ING1: variants seen among roughly 807,000 people sequenced by gnomAD.
The protein encoded by ING1 is inhibitor of growth family member 1, also known as inhibitor of growth protein 1.
ING1 carries 4 observed loss-of-function variants against 23.1 expected under a neutral mutation model. That is an observed-to-expected ratio of 0.17 (90% CI 0.09 to 0.40). The LOEUF (loss-of-function observed/expected upper bound fraction) is 0.40, where lower values mean the gene tolerates loss of function less well. Ranked by LOEUF, ING1 falls within the 10% of genes least tolerant of loss-of-function variation. The pLI, the probability that ING1 is intolerant of heterozygous loss-of-function variation, is 1.00. For missense variants in ING1, 256 were observed against 393.8 expected (o/e 0.65, Z 2.96); for synonymous variants, 179 against 166.4 (o/e 1.08, Z -0.58).
At chr13:110,715,684 C>A in intron 1 of ING1, 1 of 1,603,290 alleles carries the variant, frequency 6.2e-7, no homozygotes, top group Non-Finnish European at 8.5e-7. Flanking sequence ...TTCCGCCCTG[C>A]GGTGTGGTTG....
At chr13:110,713,159 C>G, upstream of ING1, 1 of 1,429,266 alleles carries the variant, frequency 7.0e-7, no homozygotes, top group Non-Finnish European at 9.1e-7. Flanking sequence ...TCCTCTTCAT[C>G]GTGATTGGGC....
At chr13:110,713,037 G>T, upstream of ING1, 1 of 1,479,090 alleles carries the variant, frequency 6.8e-7, no homozygotes, top group Non-Finnish European at 9.0e-7. Context: ...GTGCCAGTGC[G>T]CATGCGCCGC....
chr13:110,714,343 G>T, intron 1 of ING1, 58 bp downstream of exon 1: 1 of 1,451,574 alleles, frequency 6.9e-7, no homozygotes, highest in Non-Finnish European at 9.1e-7. Context: ...GGGTCCGGGC[G>T]CGCCGCGGAG....
chr13:110,718,225 T>C (rs1327331967), intron 1 of ING1, among the ~76,000 whole-genome samples: 1 of 152,226 alleles, frequency 6.6e-6, no homozygotes, highest in Admixed American at 6.5e-5. Flanking sequence ...AGCTTCGCTT[T>C]AAAGCAAGGC....
chr13:110,714,143 G>A lies in ING1; in HGVS notation c.-7G>A, dbSNP rs772264803. On this transcript the variant is annotated 5_prime_UTR_variant, in exon 1 of 2. It adds an upstream start codon to the 5' untranslated region. Transcript: ENST00000333219. ...CGCCGAGTCGCCGGGGACCTCCGGG[G>A]TGAACCATGTTGAGTCCTGCCAACG... 6 of 1,531,100 alleles carry A rather than the reference G, an allele frequency of 3.9e-6. No homozygotes were observed. In the South Asian group the frequency reaches 4.9e-5, roughly 12 times the overall value. 94.8% of individuals were successfully genotyped at this position (1,531,100 alleles called of 1,614,324 possible).
chr13:110,715,725 G>T, intron 1 of ING1: 2 of 1,588,338 alleles, frequency 1.3e-6, no homozygotes, highest in Non-Finnish European at 1.7e-6. Context: ...CCTCCAAATC[G>T]GCGATTCCCA....
chr13:110,713,891 GGGGGCCTGCGCCGCCGGCC>G lies in ING1; in HGVS notation c.-253_-235del, dbSNP rs2064072965. The G allele has an allele frequency of 1.0e-6, 1 of 981,582 alleles. No individual in the cohort carries two copies. 60.8% of individuals were successfully genotyped at this position (981,582 alleles called of 1,614,324 possible). ...CCGGCGCCAGCCCCGCCGCCTGAGA[GGGGGCCTGCGCCGCCGGCC>G]GGGGCGTGCGCCCGGGAGCCACCGC... On this transcript the variant is annotated 5_prime_UTR_variant, in exon 1 of 2. Coordinates refer to ENST00000333219, the MANE Select transcript of ING1 (RefSeq NM_198219.3).
Position 110,713,852 on chromosome 13 carries a change from C to T in ING1, c.-298C>T, listed in dbSNP as rs1216650088. On this transcript the variant is annotated 5_prime_UTR_variant, in exon 1 of 2. Transcript: ENST00000333219. The stretch of plus-strand genomic sequence containing the variant: ...CCTCTCCCGCCGGTGTGTGCGCGCT[C>T]GTACGCGCGGCCCCCGGCGCCAGCC... 2.0e-6 allele frequency: 2 copies of T among 982,282 alleles called. No individual in the cohort carries two copies. Among genetic ancestry groups the T allele is most frequent in the South Asian group, 4.7e-5 (1 of 21,292 alleles). 60.8% of individuals were successfully genotyped at this position (982,282 alleles called of 1,614,324 possible). A position where few individuals can be genotyped will look rare whatever the true frequency, so the allele number is the denominator to read the frequency against.
At position 110,720,061 on chromosome 13, in the gene ING1, T is replaced by A; in HGVS notation, c.*129T>A. 4.4e-6 allele frequency: 3 copies of A among 683,902 alleles called. No individual in the cohort carries two copies. Among genetic ancestry groups the A allele is most frequent in the Non-Finnish European group, 4.7e-6 (2 of 423,342 alleles). 42.4% of individuals were successfully genotyped at this position (683,902 alleles called of 1,614,324 possible). On this transcript the variant is annotated 3_prime_UTR_variant, in exon 2 of 2. Transcript: ENST00000333219. ...GAATGTTAGTAAAGGAACCATTCCT[T>A]TCATAGGGATGGCAGTGATTCTGTT...
chr13:110,714,183 C>A lies in ING1; in HGVS notation c.34C>A (p.Leu12Met). ...TCCTGCCAACGGGGAGCAGCTCCAC[C>A]TGGTGAACTATGTGGAGGACTACCT... ...LSPANGEQLH[L>M]VNYVEDYLDS... The change falls in exon 1 of 2, where the codon CTG becomes ATG. Residue 12 changes from leucine to methionine, a missense_variant. Leu to Met is a conservative substitution (Grantham distance 15). Coordinates refer to ENST00000333219, the MANE Select transcript of ING1 (RefSeq NM_198219.3). The A allele has an allele frequency of 6.4e-7, 1 of 1,560,164 alleles. No homozygotes were observed.
rs1376409188 is a variant in ING1 at position 110,722,206 on chromosome 13, G to A, written c.*2274G>A. ...TTTACATATCAATACTTACAAATAG[G>A]TGTTTATTTTCCCACAAAACTCCAG... On this transcript the variant is annotated 3_prime_UTR_variant, in exon 2 of 2. Coordinates refer to ENST00000333219, the MANE Select transcript of ING1 (RefSeq NM_198219.3). 1 of 152,100 alleles carries A rather than the reference G, an allele frequency of 6.6e-6. No homozygotes were observed. The highest frequency in any genetic ancestry group is 2.4e-5 in the African/African-American group (1 of 41,414). 9.4% of individuals were successfully genotyped at this position (152,100 alleles called of 1,614,324 possible).
At chr13:110,718,281 A>C (rs768814217) in intron 1 of ING1, among the ~76,000 whole-genome samples, 2 of 152,162 alleles carry the variant, frequency 1.3e-5, no homozygotes, top group Non-Finnish European at 2.9e-5. Context: ...AGCCCATCAC[A>C]GTGGTGCTTC....
At chr13:110,712,981 G>C (rs372877159), upstream of ING1, 40 of 1,555,052 alleles carry the variant, frequency 2.6e-5, no homozygotes, top group Non-Finnish European at 2.5e-5. Context: ...GGAATGGGTA[G>C]GTCTCCCGCG....
chr13:110,715,335 A>G (rs1412973945), intron 1 of ING1: 3 of 1,452,126 alleles, frequency 2.1e-6, no homozygotes, highest in Non-Finnish European at 2.7e-6. Flanking sequence ...TCTGCCGGGA[A>G]GGCGCCCCTG....
In ING1 at chr13:110,714,160, C is replaced by T; in HGVS notation, c.11C>T (p.Pro4Leu). ...CCTCCGGGGTGAACCATGTTGAGTCCTGCCAACGGGGAGCAGCTCCACCTG... is the reference window on the plus strand; with the variant it reads ...CCTCCGGGGTGAACCATGTTGAGTCTTGCCAACGGGGAGCAGCTCCACCTG... MLS[P>L]ANGEQLHLVN... The change falls in exon 1 of 2, where the codon CCT (proline) becomes CTT (leucine). Residue 4 changes from proline to leucine, a missense_variant. Physicochemically the swap from Pro to Leu is moderately conservative, Grantham distance 98. This residue lies in a region of ING1 where 209 missense variants were observed against 273.8 expected (regional missense o/e 0.76). Coordinates refer to ENST00000333219, the MANE Select transcript of ING1 (RefSeq NM_198219.3). The T allele has an allele frequency of 6.5e-7, 1 of 1,549,738 alleles. No homozygotes were observed.
At position 110,719,613 on chromosome 13, in the gene ING1, G is replaced by T. The variant is rs1412502894; in HGVS notation, c.521G>T (p.Gly174Val). Residue 174 changes from glycine (G) to valine (V), a missense_variant, in exon 2 of 2, where the codon GGC becomes GTC. Coordinates refer to ENST00000333219, the MANE Select transcript of ING1 (RefSeq NM_198219.3). This position sits in a 1 kb window ranked among gnomAD's most constrained non-coding sequence, Gnocchi z 8.9. ...CACGACCACGACGACGGCGCCTCGG[G>T]CACACCCAAGGAGAAGAAGGCCAAG... ...SNHDHDDGAS[G>V]TPKEKKAKTS... The T allele has an allele frequency of 6.2e-7, 1 of 1,611,854 alleles. No homozygotes were observed. Among genetic ancestry groups the T allele is most frequent in the Non-Finnish European group, 8.5e-7 (1 of 1,179,472 alleles).
rs1160825243 is a variant in ING1 at position 110,722,711 on chromosome 13, A to C, written c.*2779A>C. ...GATAATTTTTCTCTAGCTTTCTTCA[A>C]GTTTCTCATAAGGACAGGTGGGTAG... On this transcript the variant is annotated 3_prime_UTR_variant, in exon 2 of 2. Coordinates refer to ENST00000333219, the MANE Select transcript of ING1 (RefSeq NM_198219.3). 8 of 152,334 alleles carry C rather than the reference A, an allele frequency of 5.3e-5. No homozygotes were observed. The highest frequency in any genetic ancestry group is 1.7e-4 in the African/African-American group (7 of 41,564). 9.4% of individuals were successfully genotyped at this position (152,334 alleles called of 1,614,324 possible).
chr13:110,712,683 G>C (rs948752200), upstream of ING1: 1 of 662,496 alleles, frequency 1.5e-6, no homozygotes, highest in African/African-American at 1.8e-5. Flanking sequence ...TCAGGACGCC[G>C]GCCGACCGGG....
At position 110,719,961 on chromosome 13, in the gene ING1, G is replaced by C. The variant is rs2064158537; in HGVS notation, c.*29G>C. 2 of 1,504,464 alleles carry C rather than the reference G, an allele frequency of 1.3e-6. No individual in the cohort carries two copies. The highest frequency in any genetic ancestry group is 1.8e-6 in the Non-Finnish European group (2 of 1,112,144). The allele number at this position is 1,504,464 out of a possible 1,614,324, so 93.2% of individuals were successfully genotyped here. On this transcript the variant is annotated 3_prime_UTR_variant, in exon 2 of 2. Transcript: ENST00000333219. This position sits in a 1 kb window ranked among gnomAD's most constrained non-coding sequence, Gnocchi z 8.9. ...GTGGACAGGCGCCTGGTGTGAGGAG[G>C]ACAAAATAAACCGTGTATTTATTAC...
Sources: gnomAD v4.1 joint callset for allele counts (sites outside exome capture counted in the v4.1 genomes callset) on GRCh38, gnomAD v4.1.1 for gene constraint, gnomAD v4.1.1 regional missense constraint, Gnocchi (gnomAD v3.1) non-coding constraint, MANE v1.5 for transcripts, NCBI Gene and HGNC (gene_info 2026-07-23, HGNC 2026-07-21) for gene names.